The following CERS3 variants were observed in gnomAD, a reference collection of about 807,000 sequenced individuals.
CERS3 encodes the protein ceramide synthase 3.
Under a neutral mutation model 50.3 loss-of-function variants are expected in CERS3, and 33 were observed. That is an observed-to-expected ratio of 0.66 (90% CI 0.50 to 0.88). The LOEUF is 0.88. Ranked by LOEUF, CERS3 falls within the 40% of genes least tolerant of loss-of-function variation. The pLI is 0.00. For missense variants in CERS3, 470 were observed against 460.3 expected, an observed-to-expected ratio of 1.02 and a Z score of -0.19; for synonymous variants, 176 against 155.2, an observed-to-expected ratio of 1.13 and a Z score of -0.99.
chr15:100,441,479 C>G (rs116387516), intron 11 of CERS3, among the ~76,000 whole-genome samples: 2,067 of 152,036 alleles, frequency 0.014, 56 homozygotes, highest in African/African-American at 0.046. Context: ...ACCCGAACCC[C>G]TTCCCTCCGT....
chr15:100,539,191 T>C lies in CERS3; in HGVS notation c.-355+5460A>G, dbSNP rs12442936. ...TTGTCCACATCACTATTAGCATTTTTATTAAAGCCATTCAACAAGTCTCTG... is the reference window on the plus strand; with the variant it reads ...TTGTCCACATCACTATTAGCATTTTCATTAAAGCCATTCAACAAGTCTCTG... On this transcript the variant is annotated intron_variant, in intron 1 of 12. Transcript: ENST00000284382. Among the ~76,000 whole-genome samples the C allele has an allele frequency of 6.8e-3, 1,035 of 152,342 alleles. 7 individuals are homozygous for C. Among genetic ancestry groups the C allele is most frequent in the South Asian group, 0.022 (104 of 4,830 alleles).
chr15:100,536,960 C>T (rs1003740290), intron 1 of CERS3, among the ~76,000 whole-genome samples: 2 of 152,222 alleles, frequency 1.3e-5, no homozygotes, highest in African/African-American at 4.8e-5. Context: ...TCATCTGACA[C>T]ATGTATTGCA....
chr15:100,426,569 G>A (rs1261253749), intron 11 of CERS3, among the ~76,000 whole-genome samples: 1 of 152,160 alleles, frequency 6.6e-6, no homozygotes, highest in African/African-American at 2.4e-5. Context: ...TCTTCTCTGG[G>A]TTCTCGTAGG....
intron 8 of CERS3, among the ~76,000 whole-genome samples, chr15:100,473,453 A>G (rs907474006): frequency 1.3e-4 from 20 of 152,240 alleles, no homozygotes; most frequent in Admixed American, 6.5e-5. Context: ...AAATAAGACA[A>G]TCTAGCCTAA....
chr15:100,437,338 C>G (rs539005460), intron 11 of CERS3, among the ~76,000 whole-genome samples: 5 of 152,276 alleles, frequency 3.3e-5, no homozygotes, highest in Admixed American at 2.6e-4. Context: ...GTTTTACATT[C>G]ACTCTTACCT....
rs762930624 is a variant in CERS3, at chr15:100,484,625, C to T, written c.332G>A (p.Arg111His). The change falls in exon 5 of 12, where the codon CGC becomes CAC. Residue 111 changes from arginine (R) to histidine (H), a missense_variant. Transcript: ENST00000679737. ...GLAKKCNLTE[R>H]QVERWFRSRR... ...ACTCCTAAACCATCTTTCCACCTGG[C>T]GCTCCGTCAAGTTACACTTCTTTGC... is the stretch of plus-strand genomic sequence containing the variant. 6.2e-6 allele frequency: 10 copies of T among 1,614,000 alleles called. No individual in the cohort carries two copies. The highest frequency in any genetic ancestry group is 1.3e-5 in the African/African-American group (1 of 74,904).
chr15:100,485,302 T>C (rs1045200358), intron 4 of CERS3, among the ~76,000 whole-genome samples: 2 of 152,188 alleles, frequency 1.3e-5, no homozygotes, highest in Non-Finnish European at 2.9e-5. Context: ...AATATGATGA[T>C]GATGATTGCT....
At chr15:100,417,277 A>ATTGCCTC (rs2031999493) in intron 11 of CERS3, among the ~76,000 whole-genome samples, 1 of 151,844 alleles carries the variant, frequency 6.6e-6, no homozygotes, top group African/African-American at 2.4e-5. Context: ...TGGGAAGAGC[A>ATTGCCTC]AGGGGTCGGG....
intron 11 of CERS3, among the ~76,000 whole-genome samples, chr15:100,429,399 C>G (rs2032997175): frequency 6.6e-6 from 1 of 152,124 alleles, no homozygotes; most frequent in Non-Finnish European, 1.5e-5. Context: ...ATCTGTAGAC[C>G]TACAGGTTTG....
At chr15:100,429,086 TTTCACAGGTCATGGTCAGAAA>T (rs1271063247) in intron 11 of CERS3, among the ~76,000 whole-genome samples, 1 of 152,204 alleles carries the variant, frequency 6.6e-6, no homozygotes, top group Non-Finnish European at 1.5e-5. Context: ...AGATAATGAA[TTTCACAGGTCATGGTCAGAAA>T]TTCAAATTCA....
At chr15:100,455,804 C>T (rs1434974349) in intron 11 of CERS3, 89 bp downstream of exon 11, 5 of 861,482 alleles carry the variant, frequency 5.8e-6, no homozygotes, top group Non-Finnish European at 8.2e-6. Flanking sequence ...CTGGTTAAAA[C>T]TATGAATTAA....
chr15:100,520,874 G>A lies in CERS3; in HGVS notation c.-2+793C>T, dbSNP rs149075928. 9.0e-4 allele frequency among the ~76,000 whole-genome samples: 137 copies of A among 152,248 alleles called. 1 individual carries two copies. The highest frequency in any genetic ancestry group is 3.1e-3 in the African/African-American group (128 of 41,542). ...CAGGCATCCAGCAGCATGAATATCC[G>A]GTTCTTGCAGGTCAAAACCGGGAAT... On this transcript the variant is annotated intron_variant, in intron 2 of 11. Transcript: ENST00000679737.
intron 1 of CERS3, among the ~76,000 whole-genome samples, chr15:100,528,257 C>G (rs915560832): frequency 3.3e-5 from 5 of 152,224 alleles, no homozygotes; most frequent in African/African-American, 1.2e-4. Context: ...AGCACTACAT[C>G]TCTCAAGACA....
chr15:100,447,311 C>G (rs2033982273), intron 11 of CERS3, among the ~76,000 whole-genome samples: 1 of 152,200 alleles, frequency 6.6e-6, no homozygotes, highest in Admixed American at 6.5e-5. Context: ...CTCTTTCAAG[C>G]AATTGCCAAT....
chr15:100,535,592 T>A (rs1305032910), intron 1 of CERS3, among the ~76,000 whole-genome samples: 1 of 150,272 alleles, frequency 6.7e-6, no homozygotes, highest in Non-Finnish European at 1.5e-5. Context: ...GCACGGGAAG[T>A]GGGGATATGC....
Position 100,483,778 on chromosome 15 carries a change from A to ATTTTTTTTTTTTTTTTTTTTTTT in CERS3, c.407+771_407+772insAAAAAAAAAAAAAAAAAAAAAAA, listed in dbSNP as rs1300648690. On this transcript the variant is annotated intron_variant, in intron 5 of 11. Transcript: ENST00000679737. Reference sequence around the variant, plus strand: ...AGAAGGATCAATAATAATAATAATTATTATTATTATTTTTTTTTTTGAGAC... The same window carrying ATTTTTTTTTTTTTTTTTTTTTTT: ...AGAAGGATCAATAATAATAATAATTATTTTTTTTTTTTTTTTTTTTTTTTTATTATTATTTTTTTTTTTGAGAC... Among the ~76,000 whole-genome samples, 2 of 59,138 alleles carry ATTTTTTTTTTTTTTTTTTTTTTT rather than the reference A, an allele frequency of 3.4e-5. 1 individual carries two copies. Among genetic ancestry groups the ATTTTTTTTTTTTTTTTTTTTTTT allele is most frequent in the African/African-American group, 1.4e-4 (2 of 14,602 alleles). The allele number at this position is 59,138 out of a possible 152,430, so 38.8% of individuals were successfully genotyped here. A position where few individuals can be genotyped will look rare whatever the true frequency, so the allele number is the denominator to read the frequency against.
intron 11 of CERS3, among the ~76,000 whole-genome samples, chr15:100,425,631 G>A (rs1419320216): frequency 6.6e-6 from 1 of 152,158 alleles, no homozygotes; most frequent in African/African-American, 2.4e-5. Context: ...AGGCTCATAG[G>A]CAGAAGAGAC....
At chr15:100,467,964 C>T (rs890339230) in intron 10 of CERS3, among the ~76,000 whole-genome samples, 1 of 151,224 alleles carries the variant, frequency 6.6e-6, no homozygotes, top group Non-Finnish European at 1.5e-5. Context: ...TTAAGTGACC[C>T]CCCCGCCAAC....
At chr15:100,477,438 T>C (rs555482694) in intron 7 of CERS3, among the ~76,000 whole-genome samples, 1 of 150,008 alleles carries the variant, frequency 6.7e-6, no homozygotes, top group Non-Finnish European at 1.5e-5. Context: ...AATCCTCCTA[T>C]TAAGAACAAC....
Sources: gnomAD v4.1 joint callset for allele counts (sites outside exome capture counted in the v4.1 genomes callset) on GRCh38, gnomAD v4.1.1 for gene constraint, MANE v1.5 for transcripts, NCBI Gene and HGNC (gene_info 2026-07-23, HGNC 2026-07-21) for gene names.